Variants in ZNF254 observed in about 807,000 individuals in gnomAD.
The protein encoded by ZNF254 is zinc finger protein 254.
Under a neutral mutation model 12.4 loss-of-function variants are expected in ZNF254, and 10 were observed. That is an observed-to-expected ratio of 0.80 (90% CI 0.50 to 1.36). The LOEUF is 1.36. Among genes scored for constraint, ZNF254 ranks in the 40% most tolerant of loss-of-function variants. The pLI, the probability that ZNF254 is intolerant of heterozygous loss-of-function variation, is 0.00. For missense variants in ZNF254, 996 were observed against 763.9 expected (o/e 1.30, Z -3.58); for synonymous variants, 305 against 253.4 (o/e 1.20, Z -1.93).
intron 1 of ZNF254, among the ~76,000 whole-genome samples, chr19:24,101,316 C>T (rs1973012603): frequency 6.6e-6 from 1 of 152,136 alleles, no homozygotes; most frequent in Admixed American, 6.6e-5. Flanking sequence ...AAAACAGGGT[C>T]CTACTTTAGA....
chr19:24,115,793 A>G (rs986368759), intron 3 of ZNF254, among the ~76,000 whole-genome samples: 2 of 152,076 alleles, frequency 1.3e-5, no homozygotes, highest in Non-Finnish European at 2.9e-5. Context: ...TCTAGCCTCG[A>G]CGGTTTCTAC....
intron 3 of ZNF254, chr19:24,107,037 T>C (rs1176183409): frequency 8.9e-6 from 4 of 451,716 alleles, no homozygotes; most frequent in Non-Finnish European, 1.5e-5. Context: ...AGTAGTAGTT[T>C]CTGTTATATT....
chr19:24,053,899 T>C (rs1970741407), intron 2 of ZNF254, among the ~76,000 whole-genome samples: 1 of 152,090 alleles, frequency 6.6e-6, no homozygotes, highest in Admixed American at 6.5e-5. Context: ...GCCTCAAATA[T>C]TTTGGATATT....
intron 1 of ZNF254, among the ~76,000 whole-genome samples, chr19:24,095,173 ATATGATGAATCACATT>A (rs1313157682): frequency 2.0e-5 from 3 of 152,306 alleles, no homozygotes; most frequent in African/African-American, 7.2e-5. Context: ...AGTTTTGTTT[ATATGATGAATCACATT>A]TATTGATTTG....
chr19:24,073,309 T>G (rs1209034817), intron 2 of ZNF254, among the ~76,000 whole-genome samples: 1 of 152,212 alleles, frequency 6.6e-6, no homozygotes, highest in Non-Finnish European at 1.5e-5. Flanking sequence ...GGTGACTAAT[T>G]TCAAAATCCA....
upstream of ZNF254, among the ~76,000 whole-genome samples, chr19:24,082,940 C>T (rs1447147348): frequency 2.6e-5 from 4 of 152,010 alleles, no homozygotes; most frequent in Non-Finnish European, 5.9e-5. Context: ...CACTTCTATT[C>T]AACATAGTAC....
At chr19:24,049,205 TATATATA>T (rs1478698363) in intron 2 of ZNF254, among the ~76,000 whole-genome samples, 9 of 59,962 alleles carry the variant, frequency 1.5e-4, no homozygotes, top group Admixed American at 1.0e-3. Flanking sequence ...TATATATATA[TATATATA>T]TATTTTTTTT....
intron 1 of ZNF254, 87 bp from the exon 2 acceptor site, chr19:24,105,853 C>A: frequency 6.6e-7 from 1 of 1,525,980 alleles, no homozygotes; most frequent in South Asian, 1.1e-5. Context: ...AGAACCAGTT[C>A]TATTTACTCT....
At chr19:24,045,203 C>T (rs368410475) in intron 1 of ZNF254, among the ~76,000 whole-genome samples, 3 of 152,196 alleles carry the variant, frequency 2.0e-5, no homozygotes, top group African/African-American at 2.4e-5. Flanking sequence ...CCTGGGAATG[C>T]GCTCAAAGCC....
chr19:24,055,907 G>C (rs1045126665), intron 2 of ZNF254, among the ~76,000 whole-genome samples: 1 of 152,082 alleles, frequency 6.6e-6, no homozygotes, highest in Non-Finnish European at 1.5e-5. Context: ...ACCTAAAACC[G>C]GAACATGTGT....
chr19:24,084,905 A>ACAT (rs915359315), upstream of ZNF254, among the ~76,000 whole-genome samples: 1 of 143,988 alleles, frequency 6.9e-6, no homozygotes, highest in Non-Finnish European at 1.5e-5. Flanking sequence ...GGGATTATAA[A>ACAT]CATGAGCCAT....
intron 2 of ZNF254, among the ~76,000 whole-genome samples, chr19:24,059,574 G>A (rs1970993762): frequency 6.6e-6 from 1 of 152,078 alleles, no homozygotes; most frequent in African/African-American, 2.4e-5. Flanking sequence ...ATATTGCTTA[G>A]CCAGGATCCT....
intron 1 of ZNF254, among the ~76,000 whole-genome samples, chr19:24,045,237 G>A (rs189555745): frequency 2.6e-5 from 4 of 152,150 alleles, no homozygotes; most frequent in Admixed American, 6.5e-5. Flanking sequence ...CTTTGTGATA[G>A]TTTAAGCCCC....
chr19:24,093,013 G>A (rs573246938), intron 1 of ZNF254, among the ~76,000 whole-genome samples: 53 of 152,208 alleles, frequency 3.5e-4, no homozygotes, highest in Non-Finnish European at 6.3e-4. Flanking sequence ...GCATGAGATT[G>A]TATCTCGTGG....
rs548712359 is a variant in ZNF254, at chr19:24,126,798, C to T, written c.798C>T (p.Tyr266=). The T allele has an allele frequency of 2.8e-5, 45 of 1,613,102 alleles. No homozygotes were observed. The highest frequency in any genetic ancestry group is 3.6e-5 in the Non-Finnish European group (43 of 1,179,690). The part of the protein sequence containing the change: ...HEIIHAGEKL[Y]KCEECGEAFN... ...TAATTCATGCTGGAGAGAAACTCTA[C>T]AAATGTGAAGAATGTGGTGAAGCTT... The change falls in exon 4 of 4, where the codon TAC becomes TAT. Residue 266 remains tyrosine, a synonymous_variant. Transcript: ENST00000357002.
intron 2 of ZNF254, chr19:24,065,747 T>G (rs991200185): frequency 1.3e-5 from 2 of 152,218 alleles, no homozygotes; most frequent in African/African-American, 4.8e-5. Flanking sequence ...TGTCAATTAT[T>G]GCTGAATCCT....
At chr19:24,101,334 T>C (rs1599710780) in intron 1 of ZNF254, among the ~76,000 whole-genome samples, 1 of 152,206 alleles carries the variant, frequency 6.6e-6, no homozygotes, top group East Asian at 1.9e-4. Flanking sequence ...AGATTGAGAA[T>C]GTACAGAAAA....
chr19:24,124,598 C>G (rs1200936039), intron 3 of ZNF254, among the ~76,000 whole-genome samples: 1 of 151,806 alleles, frequency 6.6e-6, no homozygotes, highest in Non-Finnish European at 1.5e-5. Context: ...TTTTATTTGG[C>G]AGGACAGATT....
intron 1 of ZNF254, among the ~76,000 whole-genome samples, chr19:24,097,882 A>G (rs1433570614): frequency 3.3e-5 from 5 of 152,064 alleles, no homozygotes; most frequent in Non-Finnish European, 7.4e-5. Flanking sequence ...GAACCAGTGG[A>G]GTCTGTTGTC....
Sources: allele counts gnomAD v4.1 joint callset (sites outside exome capture counted in the v4.1 genomes callset), GRCh38; gene constraint gnomAD v4.1.1; transcripts MANE v1.5; gene names NCBI Gene and HGNC (gene_info 2026-07-23, HGNC 2026-07-21).